The following RAB38 variants were observed in gnomAD, a reference collection of about 807,000 sequenced individuals.
RAB38 encodes the protein ras-related protein Rab-38.
A neutral mutation model predicts 18.4 loss-of-function variants in RAB38; 15 were observed. That is an observed-to-expected ratio of 0.82 (90% CI 0.55 to 1.26). The LOEUF is 1.26. RAB38 is among the 50% of genes most tolerant of loss of function. The probability of loss-of-function intolerance (pLI) is 0.00; values close to 1 mark genes in which losing one functional copy is unlikely to be tolerated. For synonymous variants in RAB38, 101 were observed against 104.4 expected (o/e 0.97, Z 0.20); for missense variants, 294 against 267.4 (o/e 1.10, Z -0.69).
At chr11:88,146,885 G>A (rs12270843) in intron 2 of RAB38, among the ~76,000 whole-genome samples, 44,416 of 152,000 alleles carry the variant, frequency 0.29, 7,364 homozygotes, top group African/African-American at 0.44. Context: ...CCCCAACACC[G>A]TACAAAGCTT....
chr11:87,835,566 G>A, the RAB38 span, among the ~76,000 whole-genome samples: 1 of 152,136 alleles, frequency 6.6e-6, no homozygotes, highest in Non-Finnish European at 1.5e-5. Flanking sequence ...CTTTAAAGAA[G>A]TAATTAAGTT....
chr11:88,128,217 G>T (rs765847640), intron 2 of RAB38, among the ~76,000 whole-genome samples: 1 of 152,096 alleles, frequency 6.6e-6, no homozygotes, highest in South Asian at 2.1e-4. Flanking sequence ...TCTGGCATCC[G>T]TTTCACCAGC....
the RAB38 span, among the ~76,000 whole-genome samples, chr11:88,106,459 T>C: frequency 2.6e-5 from 4 of 152,182 alleles, no homozygotes; most frequent in Non-Finnish European, 4.4e-5. Flanking sequence ...AAAACACACT[T>C]TCATAAAGTT....
chr11:87,939,765 G>A, the RAB38 span, among the ~76,000 whole-genome samples: 3 of 152,014 alleles, frequency 2.0e-5, no homozygotes, highest in East Asian at 1.9e-4. Flanking sequence ...GGTGGCTCAC[G>A]CCTGTATTCC....
At chr11:87,886,316 AGTGTGT>A in the RAB38 span, among the ~76,000 whole-genome samples, 59 of 149,340 alleles carry the variant, frequency 4.0e-4, no homozygotes, top group Non-Finnish European at 6.6e-4. Flanking sequence ...CTATGTTGTG[AGTGTGT>A]GTGTGTGTGT....
intron 2 of RAB38, among the ~76,000 whole-genome samples, chr11:88,124,821 A>G (rs1331170961): frequency 3.9e-5 from 6 of 152,248 alleles, no homozygotes; most frequent in African/African-American, 1.2e-4. Context: ...ATAATACTTG[A>G]AATATCATGT....
the RAB38 span, among the ~76,000 whole-genome samples, chr11:87,807,170 C>T: frequency 1.3e-5 from 2 of 152,144 alleles, no homozygotes; most frequent in Admixed American, 6.5e-5. Context: ...CAAGACCATC[C>T]CCCACAAAAA....
chr11:88,006,608 T>TTA, the RAB38 span, among the ~76,000 whole-genome samples: 38 of 124,826 alleles, frequency 3.0e-4, no homozygotes, highest in Non-Finnish European at 5.2e-4. Context: ...TATATACACA[T>TTA]TATATATATG....
chr11:87,975,705 T>C, the RAB38 span, among the ~76,000 whole-genome samples: 8 of 151,810 alleles, frequency 5.3e-5, no homozygotes, highest in African/African-American at 1.9e-4. Flanking sequence ...AAATCTTTAA[T>C]TCTAAATATG....
At chr11:87,820,902 T>C in the RAB38 span, among the ~76,000 whole-genome samples, 100 of 152,304 alleles carry the variant, frequency 6.6e-4, no homozygotes, top group African/African-American at 2.3e-3. Flanking sequence ...AATAAAAATT[T>C]AGTAAAGTAG....
At chr11:88,006,183 G>C in the RAB38 span, among the ~76,000 whole-genome samples, 1 of 151,008 alleles carries the variant, frequency 6.6e-6, no homozygotes, top group Non-Finnish European at 1.5e-5. Context: ...AAAAATGCTT[G>C]ACTTTATTAA....
At chr11:87,878,825 G>T in the RAB38 span, among the ~76,000 whole-genome samples, 1 of 151,704 alleles carries the variant, frequency 6.6e-6, no homozygotes, top group Admixed American at 6.6e-5. Context: ...AGAGAAAAAT[G>T]TGACTTTGGC....
chr11:88,114,241 T>C, intron 2 of RAB38, 101 bp from the exon 3 acceptor site: 2 of 1,182,236 alleles, frequency 1.7e-6, no homozygotes, highest in Admixed American at 2.0e-5. Flanking sequence ...TTCCTTCCTA[T>C]ATGCTACATA....
At chr11:87,880,218 C>T in the RAB38 span, 1 of 151,666 alleles carries the variant, frequency 6.6e-6, no homozygotes, top group Non-Finnish European at 1.5e-5. Context: ...TTCACCAAAC[C>T]GCTTCATTTT....
chr11:87,875,884 T>C, the RAB38 span, among the ~76,000 whole-genome samples: 2 of 151,664 alleles, frequency 1.3e-5, no homozygotes, highest in Non-Finnish European at 3.0e-5. Context: ...CTTTTAGATG[T>C]TCTATATCTA....
chr11:87,834,244 A>G, the RAB38 span, among the ~76,000 whole-genome samples: 1 of 152,244 alleles, frequency 6.6e-6, no homozygotes, highest in Non-Finnish European at 1.5e-5. Flanking sequence ...TACAACCACA[A>G]GGAACTGAAC....
the RAB38 span, among the ~76,000 whole-genome samples, chr11:88,064,701 A>G: frequency 2.5e-3 from 375 of 152,358 alleles, 4 homozygotes; most frequent in African/African-American, 8.6e-3. Context: ...TAATAACACA[A>G]CAATGTCATA....
At chr11:88,020,618 A>G in the RAB38 span, among the ~76,000 whole-genome samples, 2 of 152,216 alleles carry the variant, frequency 1.3e-5, no homozygotes, top group Non-Finnish European at 2.9e-5. Flanking sequence ...AGATATTTAC[A>G]GAACATTTCA....
the RAB38 span, among the ~76,000 whole-genome samples, chr11:88,064,463 C>T: frequency 6.6e-6 from 1 of 152,190 alleles, no homozygotes; most frequent in Non-Finnish European, 1.5e-5. Context: ...CCCACACAAT[C>T]GCAAGTGAAG....
Sources: allele counts gnomAD v4.1 joint callset (sites outside exome capture counted in the v4.1 genomes callset), GRCh38; gene constraint gnomAD v4.1.1; transcripts MANE v1.5; gene names NCBI Gene and HGNC (gene_info 2026-07-23, HGNC 2026-07-21).